Variants in SPHKAP observed in about 807,000 individuals in gnomAD.
SPHKAP encodes A-kinase anchor protein SPHKAP.
A neutral mutation model predicts 137.5 loss-of-function variants in SPHKAP; 67 were observed. That is an observed-to-expected ratio of 0.49 (90% confidence interval 0.40 to 0.60). The LOEUF is 0.60. Ranked by LOEUF, SPHKAP falls within the 20% of genes least tolerant of loss-of-function variation. The pLI is 0.00. For synonymous variants in SPHKAP, 813 were observed against 785.3 expected (o/e 1.04, Z -0.59); for missense variants, 2,097 against 2,069.3 (o/e 1.01, Z -0.26).
At chr2:228,123,678 T>C (rs1045479077) in intron 2 of SPHKAP, among the ~76,000 whole-genome samples, 2 of 152,184 alleles carry the variant, frequency 1.3e-5, no homozygotes, top group East Asian at 1.9e-4. Context: ...AATGTCTCTG[T>C]AGGTTGCCTG....
At chr2:228,131,955 A>G (rs375704768) in intron 2 of SPHKAP, 25 bp downstream of exon 2, 1,107 of 1,608,448 alleles carry the variant, frequency 6.9e-4, no homozygotes, top group Non-Finnish European at 8.9e-4. Context: ...ACTGACAAGA[A>G]GAAAGTGGCG....
intron 3 of SPHKAP, among the ~76,000 whole-genome samples, chr2:228,069,374 G>C (rs1282172476): frequency 6.6e-6 from 1 of 151,552 alleles, no homozygotes; most frequent in Non-Finnish European, 1.5e-5. Context: ...TCCTTGCACT[G>C]TACCTTGTAT....
chr2:228,117,172 T>C (rs1046822416), intron 2 of SPHKAP, among the ~76,000 whole-genome samples: 1 of 152,146 alleles, frequency 6.6e-6, no homozygotes, highest in Non-Finnish European at 1.5e-5. Context: ...CTACATGCCA[T>C]TGGTACAGAG....
rs1421206820 is a variant in SPHKAP at position 228,181,313 on chromosome 2, C to CG, written c.32+253dup. Among the ~76,000 whole-genome samples, 1 of 152,120 alleles carries CG rather than the reference C, an allele frequency of 6.6e-6. No individual in the cohort carries two copies. Among genetic ancestry groups the CG allele is most frequent in the Non-Finnish European group, 1.5e-5 (1 of 68,002 alleles). On this transcript the variant is annotated intron_variant, in intron 1 of 11. Coordinates refer to ENST00000392056, the MANE Select transcript of SPHKAP (RefSeq NM_001142644.2). The surrounding 1 kb of genome is among the most constrained non-coding windows in gnomAD (Gnocchi z 4.3). Reference sequence around the variant, plus strand: ...CGTCCCTGGGCCTTAGAGGCGGGCACGGGGCTGACCCCCAACCCGTGCCAC... The same window carrying CG: ...CGTCCCTGGGCCTTAGAGGCGGGCACGGGGGCTGACCCCCAACCCGTGCCAC...
rs79589515 is a variant in SPHKAP, at chr2:228,136,436, G to A, written c.33-4351C>T. Among the ~76,000 whole-genome samples, 517 of 152,272 alleles carry A rather than the reference G, an allele frequency of 3.4e-3. 3 individuals are homozygous for A. Among genetic ancestry groups the A allele is most frequent in the African/African-American group, 0.012 (503 of 41,538 alleles). On this transcript the variant is annotated intron_variant, in intron 1 of 11. Transcript: ENST00000392056. ...AACAATTTCATATATTAATAAATGAGATGCTAAGTTGCCACTGTACTGCTA... is the reference window on the plus strand; with the variant it reads ...AACAATTTCATATATTAATAAATGAAATGCTAAGTTGCCACTGTACTGCTA...
At chr2:228,102,757 T>C (rs1178935877) in intron 3 of SPHKAP, among the ~76,000 whole-genome samples, 2 of 152,104 alleles carry the variant, frequency 1.3e-5, no homozygotes, top group Non-Finnish European at 2.9e-5. Context: ...TGTTTGTTTG[T>C]TTTGAAACAG....
At chr2:228,098,415 T>C (rs542052955) in intron 3 of SPHKAP, among the ~76,000 whole-genome samples, 2 of 152,280 alleles carry the variant, frequency 1.3e-5, no homozygotes, top group East Asian at 3.9e-4. Context: ...ATATACACCA[T>C]GGAATACTAT....
At chr2:228,076,416 C>T (rs1697186099) in intron 3 of SPHKAP, among the ~76,000 whole-genome samples, 5 of 152,070 alleles carry the variant, frequency 3.3e-5, no homozygotes, top group Admixed American at 3.3e-4. Flanking sequence ...TTTGGAACTC[C>T]CTAGAGACTT....
At chr2:227,985,926 A>G (rs1317637329) in intron 11 of SPHKAP, among the ~76,000 whole-genome samples, 1 of 152,172 alleles carries the variant, frequency 6.6e-6, no homozygotes, top group Non-Finnish European at 1.5e-5. Flanking sequence ...TGGTCCCTAT[A>G]TTGCTCTGCA....
intron 3 of SPHKAP, among the ~76,000 whole-genome samples, chr2:228,034,422 T>A (rs571386614): frequency 1.3e-5 from 2 of 152,096 alleles, no homozygotes; most frequent in African/African-American, 2.4e-5. Flanking sequence ...CAGGACCAGA[T>A]GGATTCACAG....
chr2:227,998,170 C>G (rs925636759), intron 7 of SPHKAP, among the ~76,000 whole-genome samples: 2 of 152,156 alleles, frequency 1.3e-5, no homozygotes, highest in Non-Finnish European at 2.9e-5. Flanking sequence ...CCATGCCTGG[C>G]TAATTTTTTT....
chr2:228,065,707 GC>G (rs1230285314), intron 3 of SPHKAP, among the ~76,000 whole-genome samples: 3 of 152,284 alleles, frequency 2.0e-5, no homozygotes, highest in East Asian at 3.9e-4. Flanking sequence ...ACTCCAGCCA[GC>G]ACCATTTATT....
At chr2:228,076,088 C>T (rs1697173236) in intron 3 of SPHKAP, among the ~76,000 whole-genome samples, 1 of 152,082 alleles carries the variant, frequency 6.6e-6, no homozygotes. Context: ...TGGGAGTTTC[C>T]CTGCACAAGC....
intron 1 of SPHKAP, among the ~76,000 whole-genome samples, chr2:228,171,870 C>G (rs767555944): frequency 6.6e-6 from 1 of 152,138 alleles, no homozygotes; most frequent in East Asian, 1.9e-4. Flanking sequence ...CTCCTATTGA[C>G]ATGCTACCAA....
Position 228,047,718 on chromosome 2 carries a change from A to G in SPHKAP, c.247-20175T>C, listed in dbSNP as rs1696116892. Among the ~76,000 whole-genome samples, 4 of 152,198 alleles carry G rather than the reference A, an allele frequency of 2.6e-5. No individual in the cohort carries two copies. The South Asian group carries it at 8.3e-4, about 32-fold the overall frequency. On this transcript the variant is annotated intron_variant, in intron 3 of 11. Coordinates refer to ENST00000392056, the MANE Select transcript of SPHKAP (RefSeq NM_001142644.2). The stretch of plus-strand genomic sequence containing the variant: ...CAGTGATGAGATGAACGAGATGGTC[A>G]TGGTTCCTTGCAGTTTGGTGGGCTA...
intron 7 of SPHKAP, among the ~76,000 whole-genome samples, chr2:228,011,987 G>A (rs918199471): frequency 1.3e-5 from 2 of 151,682 alleles, no homozygotes; most frequent in African/African-American, 4.8e-5. Context: ...GCAACAGAAT[G>A]ACATCTCCAT....
chr2:227,984,177 G>A (rs181538083), intron 11 of SPHKAP, among the ~76,000 whole-genome samples: 2 of 152,010 alleles, frequency 1.3e-5, no homozygotes, highest in East Asian at 3.9e-4. Flanking sequence ...GCATGCACCT[G>A]TAATCACAGC....
At chr2:228,088,574 T>A (rs1419318286) in intron 3 of SPHKAP, among the ~76,000 whole-genome samples, 1 of 152,218 alleles carries the variant, frequency 6.6e-6, no homozygotes, top group African/African-American at 2.4e-5. Context: ...AGTTTGGATG[T>A]TTATCCTCTC....
chr2:228,101,021 T>A (rs934719253), intron 3 of SPHKAP, among the ~76,000 whole-genome samples: 2 of 152,166 alleles, frequency 1.3e-5, no homozygotes. Flanking sequence ...CTGCACATTC[T>A]CCCTGGTTGG....
Sources: allele counts gnomAD v4.1 joint callset (sites outside exome capture counted in the v4.1 genomes callset), GRCh38; gene constraint gnomAD v4.1.1; non-coding constraint Gnocchi (gnomAD v3.1); transcripts MANE v1.5; gene names NCBI Gene and HGNC (gene_info 2026-07-23, HGNC 2026-07-21).